The following C12orf54 variants were observed in gnomAD, a reference collection of about 807,000 sequenced individuals.
The protein encoded by C12orf54 is chromosome 12 open reading frame 54, also known as uncharacterized protein C12orf54.
In C12orf54, 24 loss-of-function variants were observed where a neutral mutation model predicts 26.4. That is an observed-to-expected ratio of 0.91 (90% CI 0.66 to 1.28). C12orf54 has a LOEUF of 1.28. Among genes scored for constraint, C12orf54 ranks in the 50% most tolerant of loss-of-function variants. The probability of loss-of-function intolerance (pLI) is 0.00; values close to 1 mark genes in which losing one functional copy is unlikely to be tolerated. For missense variants in C12orf54, 154 were observed against 150.9 expected, an observed-to-expected ratio of 1.02 and a Z score of -0.11; for synonymous variants, 54 against 47.0, an observed-to-expected ratio of 1.15 and a Z score of -0.61.
the C12orf54 span, among the ~76,000 whole-genome samples, chr12:48,432,611 T>C: frequency 2.0e-5 from 3 of 152,238 alleles, no homozygotes; most frequent in African/African-American, 7.2e-5. Context: ...GGCTCATGCC[T>C]GTAATCCCAG....
At chr12:48,476,271 G>C in the C12orf54 span, among the ~76,000 whole-genome samples, 1 of 152,218 alleles carries the variant, frequency 6.6e-6, no homozygotes, top group Non-Finnish European at 1.5e-5. Context: ...GGAACAACCA[G>C]TACCAGTCAC....
chr12:48,473,389 A>C, the C12orf54 span: 1 of 918,878 alleles, frequency 1.1e-6, no homozygotes. Context: ...TAAGAAACTG[A>C]AGATGAGGGA....
chr12:48,428,418 T>A, the C12orf54 span, among the ~76,000 whole-genome samples: 1 of 151,524 alleles, frequency 6.6e-6, no homozygotes, highest in Non-Finnish European at 1.5e-5. Flanking sequence ...TGATAGACCA[T>A]TAGCAAGATT....
At chr12:48,416,586 G>A in the C12orf54 span, among the ~76,000 whole-genome samples, 1 of 152,178 alleles carries the variant, frequency 6.6e-6, no homozygotes, top group East Asian at 1.9e-4. Flanking sequence ...ATGTGGCTGG[G>A]CACAGTGGCT....
chr12:48,450,014 G>A, the C12orf54 span, among the ~76,000 whole-genome samples: 2 of 152,256 alleles, frequency 1.3e-5, no homozygotes, highest in South Asian at 4.1e-4. Flanking sequence ...CCTCTGCCAT[G>A]ATCCTGAGGC....
chr12:48,438,558 T>C, the C12orf54 span, among the ~76,000 whole-genome samples: 1 of 152,142 alleles, frequency 6.6e-6, no homozygotes, highest in African/African-American at 2.4e-5. Flanking sequence ...AAAACAGAGA[T>C]ATAGACCAAT....
In C12orf54 at chr12:48,490,797, C is replaced by A; in HGVS notation, c.169-15C>A. 6.2e-7 allele frequency: 1 copy of A among 1,613,424 alleles called. No homozygotes were observed. Among genetic ancestry groups the A allele is most frequent in the Non-Finnish European group, 8.5e-7 (1 of 1,179,472 alleles). On this transcript the variant is annotated splice_polypyrimidine_tract_variant and intron_variant, in intron 5 of 8. Coordinates refer to ENST00000548364, the MANE Select transcript of C12orf54 (RefSeq NM_152319.4). The stretch of plus-strand genomic sequence containing the variant: ...AGCCCCCATCATCTCTGACTGTATT[C>A]TCATTATTTTTCAGCTGCAGGAAGA...
At chr12:48,426,715 G>A in the C12orf54 span, among the ~76,000 whole-genome samples, 1 of 152,094 alleles carries the variant, frequency 6.6e-6, no homozygotes, top group Admixed American at 6.6e-5. Flanking sequence ...CTATCCACGA[G>A]CATGAATGCT....
the C12orf54 span, among the ~76,000 whole-genome samples, chr12:48,476,369 T>A: frequency 9.8e-5 from 15 of 152,322 alleles, no homozygotes; most frequent in African/African-American, 2.9e-4. Context: ...AACATCATAA[T>A]GACAGGATCA....
chr12:48,415,019 T>C, the C12orf54 span, among the ~76,000 whole-genome samples: 1 of 152,234 alleles, frequency 6.6e-6, no homozygotes, highest in Non-Finnish European at 1.5e-5. Context: ...AACTAATACA[T>C]GAGCCCCATT....
chr12:48,451,034 A>G, the C12orf54 span, among the ~76,000 whole-genome samples: 1 of 152,056 alleles, frequency 6.6e-6, no homozygotes, highest in Non-Finnish European at 1.5e-5. Context: ...AAAAAGAGAG[A>G]GAAAACTTCA....
the C12orf54 span, among the ~76,000 whole-genome samples, chr12:48,448,326 A>G: frequency 6.6e-6 from 1 of 152,232 alleles, no homozygotes; most frequent in Non-Finnish European, 1.5e-5. Flanking sequence ...TTTTTATTAC[A>G]CATGTCTGTT....
chr12:48,481,090 G>T (rs1035542756), upstream of C12orf54, among the ~76,000 whole-genome samples: 2 of 152,028 alleles, frequency 1.3e-5, no homozygotes, highest in East Asian at 3.9e-4. Flanking sequence ...CTTCCTATTG[G>T]GTACTATGCT....
At chr12:48,495,633 C>T (rs1462422259) in intron 8 of C12orf54, 1 of 152,612 alleles carries the variant, frequency 6.6e-6, no homozygotes, top group Non-Finnish European at 1.5e-5. Context: ...TAGCCACACC[C>T]TCTATATGGC....
the C12orf54 span, among the ~76,000 whole-genome samples, chr12:48,437,906 A>G: frequency 6.6e-6 from 1 of 152,166 alleles, no homozygotes; most frequent in Non-Finnish European, 1.5e-5. Flanking sequence ...TGGCCAGGGC[A>G]ATCAGGCAGG....
chr12:48,414,077 A>G, the C12orf54 span, among the ~76,000 whole-genome samples: 1 of 152,278 alleles, frequency 6.6e-6, no homozygotes, highest in South Asian at 2.1e-4. Context: ...TTACAGATTG[A>G]TAAAGCGACA....
At chr12:48,441,295 A>G in the C12orf54 span, among the ~76,000 whole-genome samples, 2 of 152,196 alleles carry the variant, frequency 1.3e-5, no homozygotes, top group Non-Finnish European at 2.9e-5. Flanking sequence ...GCATGCAAAA[A>G]GGCTGACCTT....
At chr12:48,448,994 G>A in the C12orf54 span, among the ~76,000 whole-genome samples, 2 of 152,166 alleles carry the variant, frequency 1.3e-5, no homozygotes, top group Non-Finnish European at 2.9e-5. Flanking sequence ...GGGCAGCTAT[G>A]GGCTGTAGCT....
chr12:48,488,648 G>A (rs1055338102), intron 4 of C12orf54: 2 of 462,856 alleles, frequency 4.3e-6, no homozygotes, highest in Admixed American at 3.7e-5. Context: ...ATAATAGTAG[G>A]TTTCATTATA....
Sources: gnomAD v4.1 joint callset for allele counts (sites outside exome capture counted in the v4.1 genomes callset) on GRCh38, gnomAD v4.1.1 for gene constraint, MANE v1.5 for transcripts, NCBI Gene and HGNC (gene_info 2026-07-23, HGNC 2026-07-21) for gene names.